GPR158: variants seen among roughly 807,000 people sequenced by gnomAD.
The protein encoded by GPR158 is metabotropic glycine receptor.
Under a neutral mutation model 78.2 loss-of-function variants are expected in GPR158, and 30 were observed. The observed-to-expected ratio is 0.38, with a 90% CI of 0.29 to 0.52. GPR158 has a LOEUF of 0.52. Ranked by LOEUF, GPR158 falls within the 20% of genes least tolerant of loss-of-function variation. The probability of loss-of-function intolerance (pLI) is 0.83; values close to 1 mark genes in which losing one functional copy is unlikely to be tolerated. For synonymous variants in GPR158, 581 were observed against 591.1 expected, an observed-to-expected ratio of 0.98 and a Z score of 0.25; for missense variants, 1,463 against 1,523.5, an observed-to-expected ratio of 0.96 and a Z score of 0.66.
chr10:25,338,865 C>T (rs1407504975), intron 2 of GPR158, among the ~76,000 whole-genome samples: 1 of 151,420 alleles, frequency 6.6e-6, no homozygotes, highest in Non-Finnish European at 1.5e-5. Flanking sequence ...AGAGAATTTA[C>T]ATCTTTACAA....
chr10:25,387,662 C>T (rs1322893346), intron 2 of GPR158, among the ~76,000 whole-genome samples: 1 of 151,942 alleles, frequency 6.6e-6, no homozygotes, highest in African/African-American at 2.4e-5. Flanking sequence ...ACTACAGGCA[C>T]ACGCCACCAT....
At chr10:25,378,623 A>G (rs1411894384) in intron 2 of GPR158, among the ~76,000 whole-genome samples, 1 of 151,488 alleles carries the variant, frequency 6.6e-6, no homozygotes, top group East Asian at 1.9e-4. Flanking sequence ...GCATATATAT[A>G]TATTGCTTAT....
intron 3 of GPR158, among the ~76,000 whole-genome samples, chr10:25,410,773 G>T (rs1306911956): frequency 2.0e-5 from 3 of 152,122 alleles, no homozygotes; most frequent in Non-Finnish European, 4.4e-5. Context: ...AAATCCATTT[G>T]CTTTTCATCA....
At chr10:25,579,079 TAATG>T (rs2130738201) in intron 7 of GPR158, among the ~76,000 whole-genome samples, 1 of 151,200 alleles carries the variant, frequency 6.6e-6, no homozygotes, top group African/African-American at 2.4e-5. Flanking sequence ...TCTCCTAAAT[TAATG>T]AAGAAAACAA....
chr10:25,303,656 G>A (rs569853244), intron 2 of GPR158, among the ~76,000 whole-genome samples: 48 of 152,144 alleles, frequency 3.2e-4, no homozygotes, highest in Non-Finnish European at 6.5e-4. Context: ...TAAATTCGAT[G>A]ATAACCCCTT....
intron 4 of GPR158, among the ~76,000 whole-genome samples, chr10:25,450,390 T>G (rs1387466797): frequency 1.3e-5 from 1 of 74,400 alleles, no homozygotes; most frequent in East Asian, 6.2e-3. Context: ...GTTTTTTTTT[T>G]TTTTTTTTTA....
intron 2 of GPR158, among the ~76,000 whole-genome samples, chr10:25,390,511 C>A (rs1272949820): frequency 6.6e-6 from 1 of 152,320 alleles, no homozygotes; most frequent in East Asian, 1.9e-4. Context: ...TGCCCCTGCC[C>A]TAGAGATCTG....
chr10:25,457,411 G>C (rs940780567), intron 4 of GPR158, among the ~76,000 whole-genome samples: 3 of 151,494 alleles, frequency 2.0e-5, no homozygotes, highest in Non-Finnish European at 4.4e-5. Flanking sequence ...ATCTCTTTAT[G>C]TGATATTTTT....
intron 5 of GPR158, among the ~76,000 whole-genome samples, chr10:25,484,481 C>CA (rs1835705996): frequency 6.6e-6 from 1 of 152,132 alleles, no homozygotes; most frequent in South Asian, 2.1e-4. Flanking sequence ...AGAAATGACA[C>CA]AATTTGGCAG....
intron 6 of GPR158, among the ~76,000 whole-genome samples, chr10:25,551,769 A>G (rs1836728668): frequency 6.6e-6 from 1 of 152,154 alleles, no homozygotes; most frequent in Non-Finnish European, 1.5e-5. Context: ...GAAAGTCTCA[A>G]TTAAGTGGAA....
intron 6 of GPR158, among the ~76,000 whole-genome samples, chr10:25,561,259 A>G (rs1257539651): frequency 6.6e-6 from 1 of 152,214 alleles, no homozygotes; most frequent in Non-Finnish European, 1.5e-5. Flanking sequence ...GTAAAACATT[A>G]CATTTAAAAA....
chr10:25,532,207 A>G (rs1320168665), intron 5 of GPR158, among the ~76,000 whole-genome samples: 1 of 152,174 alleles, frequency 6.6e-6, no homozygotes. Flanking sequence ...AAAGAGAAAG[A>G]GGTGGGTTTC....
chr10:25,314,756 G>C lies in GPR158; in HGVS notation c.1009-81155G>C, dbSNP rs908572038. Among the ~76,000 whole-genome samples the C allele has an allele frequency of 3.4e-5, 5 of 148,000 alleles. No individual in the cohort carries two copies. The South Asian group carries it at 1.1e-3, about 31-fold the overall frequency. ...ATTTTCCTAAAACTATCAAGTTTAC[G>C]ACTATAAATTGTATATATATAAATA... On this transcript the variant is annotated intron_variant, in intron 2 of 10. Transcript: ENST00000376351.
At chr10:25,193,744 T>G (rs1047850942) in intron 1 of GPR158, among the ~76,000 whole-genome samples, 6 of 152,194 alleles carry the variant, frequency 3.9e-5, no homozygotes, top group African/African-American at 1.4e-4. Context: ...GTCTTGGCCT[T>G]CCTGCCCACT....
At chr10:25,313,692 T>G (rs914509750) in intron 2 of GPR158, among the ~76,000 whole-genome samples, 1 of 152,214 alleles carries the variant, frequency 6.6e-6, no homozygotes, top group African/African-American at 2.4e-5. Context: ...TCTTATTTGG[T>G]CATGATGTAT....
chr10:25,558,529 G>A (rs1836817204), intron 6 of GPR158, among the ~76,000 whole-genome samples: 1 of 152,182 alleles, frequency 6.6e-6, no homozygotes, highest in Admixed American at 6.5e-5. Flanking sequence ...CCTGCCTGCT[G>A]TTGCACCTCC....
chr10:25,324,001 A>C (rs1854992846), intron 2 of GPR158, among the ~76,000 whole-genome samples: 2 of 152,148 alleles, frequency 1.3e-5, no homozygotes, highest in South Asian at 4.1e-4. Flanking sequence ...AATTGAAGAG[A>C]GTTAGGGCCT....
intron 5 of GPR158, among the ~76,000 whole-genome samples, chr10:25,506,515 A>G (rs1228771840): frequency 6.6e-6 from 1 of 152,240 alleles, no homozygotes; most frequent in Non-Finnish European, 1.5e-5. Flanking sequence ...TGTTGAAACA[A>G]TAGGCACTGT....
intron 2 of GPR158, among the ~76,000 whole-genome samples, chr10:25,263,435 T>G (rs1853995362): frequency 6.6e-6 from 1 of 152,242 alleles, no homozygotes; most frequent in Non-Finnish European, 1.5e-5. Context: ...TAGTAAGTCT[T>G]GAAGTCAAGT....
Sources: allele counts gnomAD v4.1 joint callset (sites outside exome capture counted in the v4.1 genomes callset), GRCh38; gene constraint gnomAD v4.1.1; transcripts MANE v1.5; gene names NCBI Gene and HGNC (gene_info 2026-07-23, HGNC 2026-07-21).